The following ERBB4 variants were observed in gnomAD, a reference collection of about 807,000 sequenced individuals.
The protein encoded by ERBB4 is erb-b2 receptor tyrosine kinase 4.
ERBB4 carries 42 observed loss-of-function variants against 158.0 expected under a neutral mutation model. The ratio of observed to expected loss-of-function variants is 0.27; its 90% CI spans 0.21 to 0.34. ERBB4 has a LOEUF of 0.34. Among genes scored for constraint, ERBB4 ranks in the 10% least tolerant of loss-of-function variants. The pLI, the probability that ERBB4 is intolerant of heterozygous loss-of-function variation, is 1.00. For synonymous variants in ERBB4, 583 were observed against 558.7 expected (o/e 1.04, Z -0.61); for missense variants, 1,333 against 1,624.1 (o/e 0.82, Z 3.08).
At chr2:212,152,736 C>CT (rs2080911654) in intron 1 of ERBB4, among the ~76,000 whole-genome samples, 1 of 152,098 alleles carries the variant, frequency 6.6e-6, no homozygotes, top group South Asian at 2.1e-4. Flanking sequence ...CCCTTCAAGT[C>CT]TAACAGGTTC....
chr2:212,437,283 A>G (rs2092158545), intron 1 of ERBB4, among the ~76,000 whole-genome samples: 2 of 152,026 alleles, frequency 1.3e-5, no homozygotes, highest in African/African-American at 2.4e-5. Context: ...CTGGGATACA[A>G]GGATTTCCCT....
chr2:212,199,159 TTG>T, intron 1 of ERBB4, among the ~76,000 whole-genome samples: 1 of 152,248 alleles, frequency 6.6e-6, no homozygotes, highest in Non-Finnish European at 1.5e-5. Context: ...TCATCAATAC[TTG>T]TTAGAAAATA....
At chr2:211,924,235 C>G (rs1461899167) in intron 3 of ERBB4, among the ~76,000 whole-genome samples, 2 of 152,162 alleles carry the variant, frequency 1.3e-5, no homozygotes, top group East Asian at 3.9e-4. Flanking sequence ...AAGGATGACA[C>G]TTTTGCAACC....
At chr2:211,583,080 A>C (rs1017743481) in intron 19 of ERBB4, among the ~76,000 whole-genome samples, 1 of 152,124 alleles carries the variant, frequency 6.6e-6, no homozygotes, top group Non-Finnish European at 1.5e-5. Flanking sequence ...GAATGATTTA[A>C]ATGGCTTTGA....
chr2:211,466,330 T>G lies in ERBB4; in HGVS notation c.2488-35230A>C, dbSNP rs376546497. On this transcript the variant is annotated intron_variant, in intron 20 of 27. Coordinates refer to ENST00000342788, the MANE Select transcript of ERBB4 (RefSeq NM_005235.3). ...AGTAACATGCTTTCATCTTTTTGTG[T>G]AGTTTTTTTTTTTTTTTTTAAAAAA... 1.3e-4 allele frequency among the ~76,000 whole-genome samples: 18 copies of G among 142,022 alleles called. 1 individual carries two copies. In the East Asian group the frequency reaches 3.2e-3, roughly 25 times the overall value. 93.2% of individuals were successfully genotyped at this position (142,022 alleles called of 152,430 possible). A position where few individuals can be genotyped will look rare whatever the true frequency, so the allele number is the denominator to read the frequency against.
chr2:212,434,550 T>C (rs756089581), intron 1 of ERBB4, among the ~76,000 whole-genome samples: 33 of 152,016 alleles, frequency 2.2e-4, no homozygotes, highest in Admixed American at 9.9e-4. Context: ...TACACTGCTT[T>C]TTACCACGAC....
rs1465293082 is a variant in ERBB4, at chr2:211,423,949, A to G, written c.2866+206T>C. 2.6e-5 allele frequency among the ~76,000 whole-genome samples: 4 copies of G among 152,040 alleles called. No homozygotes were observed. The South Asian group carries it at 6.2e-4, about 24-fold the overall frequency. The stretch of plus-strand genomic sequence containing the variant: ...CTGTCATGGAGATTATAAGAATAAA[A>G]GAGTCATAATTTTGACTTCATAGCA... On this transcript the variant is annotated intron_variant, in intron 23 of 27. Coordinates refer to ENST00000342788, the MANE Select transcript of ERBB4 (RefSeq NM_005235.3).
At chr2:212,213,852 A>C (rs1290708541) in intron 1 of ERBB4, among the ~76,000 whole-genome samples, 2 of 151,762 alleles carry the variant, frequency 1.3e-5, no homozygotes, top group Admixed American at 1.3e-4. Context: ...TAGAATTTCA[A>C]ATAAGGTTTT....
intron 2 of ERBB4, among the ~76,000 whole-genome samples, chr2:212,017,509 C>A (rs773639408): frequency 5.9e-5 from 9 of 152,102 alleles, no homozygotes; most frequent in Non-Finnish European, 7.4e-5. Flanking sequence ...TTCAGAGACA[C>A]TATGCAAGGT....
At chr2:211,491,029 G>T (rs747033269) in intron 20 of ERBB4, among the ~76,000 whole-genome samples, 18 of 152,038 alleles carry the variant, frequency 1.2e-4, no homozygotes, top group Non-Finnish European at 2.5e-4. Context: ...ATCCTAATGC[G>T]ATGCTGTCTA....
chr2:211,558,727 C>G lies in ERBB4; in HGVS notation c.2487+3176G>C, dbSNP rs1276312590. 3.3e-5 allele frequency among the ~76,000 whole-genome samples: 5 copies of G among 151,824 alleles called. No individual in the cohort carries two copies. In the East Asian group the frequency reaches 9.7e-4, roughly 29 times the overall value. On this transcript the variant is annotated intron_variant, in intron 20 of 27. Coordinates refer to ENST00000342788, the MANE Select transcript of ERBB4 (RefSeq NM_005235.3). ...ACATATAAACATAGTGTTTCTAACC[C>G]TAAGTCTGTTTCCACTACACAATTC...
At chr2:211,751,282 A>G (rs1403694953) in intron 4 of ERBB4, among the ~76,000 whole-genome samples, 1 of 152,166 alleles carries the variant, frequency 6.6e-6, no homozygotes, top group African/African-American at 2.4e-5. Context: ...TGCATTTTCA[A>G]CTCTAAGCCT....
intron 1 of ERBB4, among the ~76,000 whole-genome samples, chr2:212,525,640 T>C (rs926485431): frequency 6.6e-6 from 1 of 151,168 alleles, no homozygotes; most frequent in Non-Finnish European, 1.5e-5. Flanking sequence ...CCACAAATGT[T>C]ACACATCTGG....
intron 1 of ERBB4, among the ~76,000 whole-genome samples, chr2:212,315,445 T>A (rs1217194151): frequency 1.3e-5 from 2 of 151,476 alleles, no homozygotes; most frequent in East Asian, 3.9e-4. Context: ...CACATAATTA[T>A]TATTTTTCTC....
At chr2:211,795,148 T>C (rs879681035) in intron 3 of ERBB4, among the ~76,000 whole-genome samples, 3 of 151,862 alleles carry the variant, frequency 2.0e-5, no homozygotes, top group Non-Finnish European at 4.4e-5. Flanking sequence ...AGATAGATAA[T>C]ATACTCTAGG....
intron 1 of ERBB4, among the ~76,000 whole-genome samples, chr2:212,140,519 A>G (rs1026629493): frequency 6.9e-6 from 1 of 144,066 alleles, no homozygotes; most frequent in African/African-American, 2.8e-5. Flanking sequence ...TCATTTTTAA[A>G]AATGTTTTTT....
chr2:212,374,970 A>C (rs1050389978), intron 1 of ERBB4, among the ~76,000 whole-genome samples: 1 of 152,020 alleles, frequency 6.6e-6, no homozygotes, highest in Non-Finnish European at 1.5e-5. Context: ...TAATAAATAC[A>C]TGATTAAAGA....
chr2:211,842,410 A>AG (rs35457702), intron 3 of ERBB4, among the ~76,000 whole-genome samples: 28,138 of 143,874 alleles, frequency 0.2, 3,163 homozygotes, highest in South Asian at 0.32. Flanking sequence ...ATTCATTCAA[A>AG]CTTGAGATAA....
At chr2:212,475,211 TCA>T (rs892160946) in intron 1 of ERBB4, among the ~76,000 whole-genome samples, 1 of 152,136 alleles carries the variant, frequency 6.6e-6, no homozygotes, top group Non-Finnish European at 1.5e-5. Flanking sequence ...ACCTGTGCAG[TCA>T]CACAGAGTCC....
Sources: gnomAD v4.1 joint callset for allele counts (sites outside exome capture counted in the v4.1 genomes callset) on GRCh38, gnomAD v4.1.1 for gene constraint, MANE v1.5 for transcripts, NCBI Gene and HGNC (gene_info 2026-07-23, HGNC 2026-07-21) for gene names.